Variants in XKR4 observed in about 807,000 individuals in gnomAD.
XKR4 encodes the protein XK-related protein 4.
In XKR4, 12 loss-of-function variants were observed where a neutral mutation model predicts 53.9. That is an observed-to-expected ratio of 0.22 (90% CI 0.14 to 0.36). The LOEUF (loss-of-function observed/expected upper bound fraction) is 0.36. Ranked by LOEUF, XKR4 falls within the 10% of genes least tolerant of loss-of-function variation. The pLI is 1.00. For synonymous variants in XKR4, 354 were observed against 362.4 expected, an observed-to-expected ratio of 0.98 and a Z score of 0.26; for missense variants, 799 against 859.5, an observed-to-expected ratio of 0.93 and a Z score of 0.88.
chr8:55,248,010 T>C (rs1229237057), intron 1 of XKR4, among the ~76,000 whole-genome samples: 1 of 151,470 alleles, frequency 6.6e-6, no homozygotes, highest in Non-Finnish European at 1.5e-5. Flanking sequence ...TGCGTGCCAC[T>C]ACACCCAGCT....
At chr8:55,424,960 C>T (rs944695020) in intron 2 of XKR4, among the ~76,000 whole-genome samples, 1 of 152,184 alleles carries the variant, frequency 6.6e-6, no homozygotes, top group Admixed American at 6.5e-5. Context: ...GCATACTTTA[C>T]GTAAAAATGT....
chr8:55,415,158 G>C (rs1804829475), intron 2 of XKR4, among the ~76,000 whole-genome samples: 1 of 152,222 alleles, frequency 6.6e-6, no homozygotes, highest in Admixed American at 6.5e-5. Context: ...GCTTGACAAA[G>C]TGATGTCAGA....
intron 2 of XKR4, among the ~76,000 whole-genome samples, chr8:55,461,103 G>C (rs533408306): frequency 2.0e-5 from 3 of 152,360 alleles, no homozygotes; most frequent in Middle Eastern, 6.8e-3. Flanking sequence ...AAATGTCCCT[G>C]TCTGACTGCT....
At chr8:55,298,709 C>T (rs1819136901) in intron 1 of XKR4, among the ~76,000 whole-genome samples, 1 of 152,198 alleles carries the variant, frequency 6.6e-6, no homozygotes, top group South Asian at 2.1e-4. Flanking sequence ...ATCATTGCCA[C>T]ATTTGCTCTA....
At chr8:55,138,018 C>T (rs923193571) in intron 1 of XKR4, among the ~76,000 whole-genome samples, 3 of 152,036 alleles carry the variant, frequency 2.0e-5, no homozygotes, top group Non-Finnish European at 4.4e-5. Context: ...GCTGTTTTTA[C>T]ATGTCTAATT....
chr8:55,463,492 T>A (rs1440757592), intron 2 of XKR4, among the ~76,000 whole-genome samples: 1 of 151,238 alleles, frequency 6.6e-6, no homozygotes, highest in Non-Finnish European at 1.5e-5. Flanking sequence ...AGAGGGAAAT[T>A]TATAGCACTA....
intron 2 of XKR4, among the ~76,000 whole-genome samples, chr8:55,364,506 G>A (rs534378797): frequency 6.6e-6 from 1 of 152,340 alleles, no homozygotes; most frequent in African/African-American, 2.4e-5. Context: ...CCCCAGGCAG[G>A]GTTGTCTGAA....
At chr8:55,505,233 C>T (rs1401281825) in intron 2 of XKR4, among the ~76,000 whole-genome samples, 1 of 152,096 alleles carries the variant, frequency 6.6e-6, no homozygotes, top group East Asian at 1.9e-4. Flanking sequence ...TTAGTTTTTG[C>T]TGCATCTATT....
At chr8:55,281,575 C>G (rs577176690) in intron 1 of XKR4, among the ~76,000 whole-genome samples, 47 of 152,300 alleles carry the variant, frequency 3.1e-4, no homozygotes, top group African/African-American at 1.1e-3. Flanking sequence ...CAGTCAATGT[C>G]AAGTTCATCA....
chr8:55,402,664 C>T (rs1804618562), intron 2 of XKR4, among the ~76,000 whole-genome samples: 1 of 152,122 alleles, frequency 6.6e-6, no homozygotes, highest in Non-Finnish European at 1.5e-5. Context: ...AAAATATGGA[C>T]CAGTGCATGT....
In XKR4 at chr8:55,541,650, C is replaced by T. The variant is rs1434454450; in HGVS notation, c.*17423C>T. The stretch of plus-strand genomic sequence containing the variant: ...AGCACAGTGCCTGGACCTGAATGAT[C>T]ATCTTGGCAGTTCTTGTGCTTTTAC... On this transcript the variant is annotated 3_prime_UTR_variant, in exon 3 of 3. Transcript: ENST00000327381. 2 of 152,188 alleles carry T rather than the reference C, an allele frequency of 1.3e-5. No homozygotes were observed. Among genetic ancestry groups the T allele is most frequent in the African/African-American group, 4.8e-5 (2 of 41,448 alleles). 9.4% of individuals were successfully genotyped at this position (152,188 alleles called of 1,614,324 possible).
intron 1 of XKR4, among the ~76,000 whole-genome samples, chr8:55,143,187 CAATTTGGGCTGTTAAA>C (rs1384744232): frequency 6.6e-6 from 1 of 152,098 alleles, no homozygotes; most frequent in Non-Finnish European, 1.5e-5. Context: ...AATTTATTTC[CAATTTGGGCTGTTAAA>C]AACAGTGCTG....
At chr8:55,142,001 T>C (rs999355786) in intron 1 of XKR4, 20 of 444,096 alleles carry the variant, frequency 4.5e-5, no homozygotes, top group African/African-American at 4.0e-4. Context: ...GATAAAGCCA[T>C]CTCTGGGCTG....
At chr8:55,197,705 G>A (rs1009846250) in intron 1 of XKR4, among the ~76,000 whole-genome samples, 2 of 152,064 alleles carry the variant, frequency 1.3e-5, no homozygotes, top group Middle Eastern at 3.4e-3. Context: ...CACCACGCCT[G>A]GCTAGTTTTT....
At chr8:55,464,970 C>T (rs1330371209) in intron 2 of XKR4, among the ~76,000 whole-genome samples, 3 of 151,966 alleles carry the variant, frequency 2.0e-5, no homozygotes, top group East Asian at 1.9e-4. Flanking sequence ...CAAACCACTG[C>T]TCAGTGAAAT....
At chr8:55,122,724 A>G (rs1218650030) in intron 1 of XKR4, among the ~76,000 whole-genome samples, 3 of 152,252 alleles carry the variant, frequency 2.0e-5, no homozygotes. Flanking sequence ...GTGAGATGCA[A>G]TAACAATTGA....
intron 1 of XKR4, among the ~76,000 whole-genome samples, chr8:55,307,041 G>GAA (rs35862885): frequency 4.3e-4 from 64 of 149,964 alleles, no homozygotes; most frequent in Admixed American, 1.1e-3. Context: ...TACACTTTTA[G>GAA]AAAAAAAAAT....
intron 1 of XKR4, among the ~76,000 whole-genome samples, chr8:55,232,344 A>G (rs1818053692): frequency 1.3e-5 from 2 of 152,238 alleles, no homozygotes; most frequent in South Asian, 4.1e-4. Context: ...GCCAGGCCAC[A>G]GTTTGGAACT....
chr8:55,285,950 A>T (rs972922412), intron 1 of XKR4, among the ~76,000 whole-genome samples: 13 of 152,204 alleles, frequency 8.5e-5, no homozygotes, highest in African/African-American at 3.1e-4. Context: ...AGCAAATCTG[A>T]GTTTATTTTC....
Sources: allele counts gnomAD v4.1 joint callset (sites outside exome capture counted in the v4.1 genomes callset), GRCh38; gene constraint gnomAD v4.1.1; transcripts MANE v1.5; gene names NCBI Gene and HGNC (gene_info 2026-07-23, HGNC 2026-07-21).